Variants in BLOC1S5 observed in about 807,000 individuals in gnomAD.
The protein encoded by BLOC1S5 is biogenesis of lysosome-related organelles complex 1 subunit 5.
Under a neutral mutation model 24.3 loss-of-function variants are expected in BLOC1S5, and 27 were observed. The observed-to-expected ratio is 1.11, with a 90% CI of 0.82 to 1.53. BLOC1S5 has a LOEUF of 1.53. BLOC1S5 is among the 40% of genes most tolerant of loss of function. The probability of loss-of-function intolerance (pLI) is 0.00; values close to 1 mark genes in which losing one functional copy is unlikely to be tolerated. For synonymous variants in BLOC1S5, 84 were observed against 74.5 expected, an observed-to-expected ratio of 1.13 and a Z score of -0.66; for missense variants, 239 against 229.4, an observed-to-expected ratio of 1.04 and a Z score of -0.27.
chr6:8,058,190 T>C (rs920679089), intron 2 of BLOC1S5, among the ~76,000 whole-genome samples: 7 of 152,020 alleles, frequency 4.6e-5, no homozygotes, highest in Non-Finnish European at 8.8e-5. Context: ...TCCTTTTTGC[T>C]ACATGAAATG....
intron 2 of BLOC1S5, among the ~76,000 whole-genome samples, chr6:8,047,164 A>T (rs77369599): frequency 0.17 from 2,358 of 14,070 alleles, 68 homozygotes; most frequent in African/African-American, 0.31. Flanking sequence ...TCTCTCTCAC[A>T]CACACACACA....
At chr6:8,041,082 T>A (rs947217589) in intron 3 of BLOC1S5, 57 bp downstream of exon 3, 1 of 1,527,412 alleles carries the variant, frequency 6.5e-7, no homozygotes, top group African/African-American at 1.4e-5. Flanking sequence ...AGAAAATACA[T>A]TTTGGTGTAG....
intron 3 of BLOC1S5, among the ~76,000 whole-genome samples, chr6:8,039,630 TA>T (rs56391022): frequency 0.42 from 63,509 of 149,450 alleles, 14,504 homozygotes; most frequent in East Asian, 0.81. Flanking sequence ...GTATTAGCTT[TA>T]AAAAAAAAAA....
chr6:8,042,541 C>T (rs577096894), intron 2 of BLOC1S5, among the ~76,000 whole-genome samples: 2 of 152,356 alleles, frequency 1.3e-5, no homozygotes, highest in East Asian at 1.9e-4. Flanking sequence ...GTCCAACCCA[C>T]GGCAGACGGG....
Position 8,055,405 on chromosome 6 carries a change from A to G in BLOC1S5, c.195+7129T>C, listed in dbSNP as rs1194482345. Among the ~76,000 whole-genome samples the G allele has an allele frequency of 3.3e-5, 5 of 152,228 alleles. No homozygotes were observed. The East Asian group carries it at 9.6e-4, about 29-fold the overall frequency. On this transcript the variant is annotated intron_variant, in intron 2 of 4. Coordinates refer to ENST00000397457, the MANE Select transcript of BLOC1S5 (RefSeq NM_201280.3). The stretch of plus-strand genomic sequence containing the variant: ...AGCCGAGATTGTACCACTGCATTCC[A>G]GCCCGGGAGAAGAGTAAGACTCTGT...
At position 8,064,336 on chromosome 6, in the gene BLOC1S5, G is replaced by A; in HGVS notation, c.41C>T (p.Ala14Val). Residue 14 changes from alanine (A) to valine (V), a missense_variant, in exon 1 of 5, where the codon GCC becomes GTC. Physicochemically the swap from Ala to Val is moderately conservative, Grantham distance 64. Transcript: ENST00000397457. ...CTTCTTGCTGCCACCGCCCGGGGCGGCCTCACAACCCACAGGGGTCTCTGT... is the reference window on the plus strand; with the variant it reads ...CTTCTTGCTGCCACCGCCCGGGGCGACCTCACAACCCACAGGGGTCTCTGT... Reference protein sequence around the residue: ...GGTETPVGCEAAPGGGSKKRD... With the variant: ...GGTETPVGCEVAPGGGSKKRD... 6.2e-7 allele frequency: 1 copy of A among 1,612,928 alleles called. No individual in the cohort carries two copies. Among genetic ancestry groups the A allele is most frequent in the Non-Finnish European group, 8.5e-7 (1 of 1,179,868 alleles).
intron 3 of BLOC1S5, among the ~76,000 whole-genome samples, chr6:8,035,124 A>G (rs1039098020): frequency 2.0e-5 from 3 of 152,106 alleles, no homozygotes; most frequent in African/African-American, 2.4e-5. Flanking sequence ...GTTCTCGCTT[A>G]TAAGTGGGAG....
intron 1 of BLOC1S5, 35 bp from the exon 2 acceptor site, chr6:8,062,651 T>C (rs757077437): frequency 1.4e-6 from 2 of 1,383,552 alleles, no homozygotes; most frequent in Non-Finnish European, 2.0e-6. Flanking sequence ...GGTTAATCCA[T>C]GCTAAATGGC....
At chr6:8,056,243 G>A (rs1434474789) in intron 2 of BLOC1S5, among the ~76,000 whole-genome samples, 1 of 152,148 alleles carries the variant, frequency 6.6e-6, no homozygotes, top group Admixed American at 6.5e-5. Context: ...CACCCATCAG[G>A]CTTCCCAGAT....
chr6:8,038,529 G>A (rs375786909), intron 3 of BLOC1S5, among the ~76,000 whole-genome samples: 13 of 152,126 alleles, frequency 8.5e-5, no homozygotes, highest in African/African-American at 2.9e-4. Context: ...CTGTTGCCCA[G>A]GCTGGAGTGC....
At chr6:8,041,378 T>A in intron 2 of BLOC1S5, 110 bp from the exon 3 acceptor site, 1 of 1,115,552 alleles carries the variant, frequency 9.0e-7, no homozygotes, top group Non-Finnish European at 1.2e-6. Flanking sequence ...GGTGGTGTGA[T>A]CTCAGCTCAC....
At chr6:8,052,952 A>G (rs1764174625) in intron 2 of BLOC1S5, among the ~76,000 whole-genome samples, 1 of 152,178 alleles carries the variant, frequency 6.6e-6, no homozygotes, top group Non-Finnish European at 1.5e-5. Flanking sequence ...GCATCTTATA[A>G]TAATACTTGA....
intron 1 of BLOC1S5, among the ~76,000 whole-genome samples, 170 bp downstream of exon 1, chr6:8,064,095 G>C (rs1366245564): frequency 6.6e-6 from 1 of 152,186 alleles, no homozygotes; most frequent in African/African-American, 2.4e-5. Flanking sequence ...GGTTGTGGTG[G>C]GACGCATTTG....
intron 3 of BLOC1S5, among the ~76,000 whole-genome samples, chr6:8,026,880 A>C (rs528548418): frequency 6.6e-6 from 1 of 152,288 alleles, no homozygotes; most frequent in South Asian, 2.1e-4. Context: ...AATTATTGTA[A>C]TTATTTATTA....
intron 2 of BLOC1S5, among the ~76,000 whole-genome samples, chr6:8,046,714 T>C (rs75953582): frequency 0.032 from 4,816 of 152,190 alleles, 236 homozygotes; most frequent in African/African-American, 0.1. Context: ...TTGAAGCAAA[T>C]CCTAGAAAGT....
intron 4 of BLOC1S5, among the ~76,000 whole-genome samples, chr6:8,023,323 C>T (rs1374449975): frequency 6.6e-6 from 1 of 152,152 alleles, no homozygotes; most frequent in East Asian, 1.9e-4. Context: ...GTATGAATGA[C>T]GTTTATCAGT....
At chr6:8,034,027 C>G (rs1038629582) in intron 3 of BLOC1S5, among the ~76,000 whole-genome samples, 10 of 152,134 alleles carry the variant, frequency 6.6e-5, no homozygotes, top group Non-Finnish European at 1.3e-4. Context: ...TTACACTGTT[C>G]GTGGGAGTGT....
chr6:8,045,214 A>G (rs1174221834), intron 2 of BLOC1S5, among the ~76,000 whole-genome samples: 1 of 152,218 alleles, frequency 6.6e-6, no homozygotes, highest in African/African-American at 2.4e-5. Flanking sequence ...TGGGCTGTGA[A>G]TTCAGAGGGT....
chr6:8,030,318 C>T (rs1381685102), intron 3 of BLOC1S5, among the ~76,000 whole-genome samples: 1 of 151,908 alleles, frequency 6.6e-6, no homozygotes, highest in Non-Finnish European at 1.5e-5. Flanking sequence ...CACCACCACG[C>T]CCGGCTAATT....
Sources: gnomAD v4.1 joint callset for allele counts (sites outside exome capture counted in the v4.1 genomes callset) on GRCh38, gnomAD v4.1.1 for gene constraint, MANE v1.5 for transcripts, NCBI Gene and HGNC (gene_info 2026-07-23, HGNC 2026-07-21) for gene names.